Variants in PGCKA1 observed in about 807,000 individuals in gnomAD.
The protein encoded by PGCKA1 is PDCD10 and GCKIII kinases associated 1, also known as PDCD10 and GCKIII kinases-associated protein 1.
the PGCKA1 span, among the ~76,000 whole-genome samples, chr4:37,467,237 G>A: frequency 1.3e-5 from 2 of 152,160 alleles, no homozygotes; most frequent in East Asian, 1.9e-4. Context: ...AATGCACTTA[G>A]TGTTTCATTT....
chr4:37,472,960 A>G, the PGCKA1 span, among the ~76,000 whole-genome samples: 1 of 152,208 alleles, frequency 6.6e-6, no homozygotes, highest in South Asian at 2.1e-4. Context: ...ATTCAGGTCA[A>G]CTGGCAAGGT....
At chr4:37,586,048 G>A in the PGCKA1 span, among the ~76,000 whole-genome samples, 1 of 151,352 alleles carries the variant, frequency 6.6e-6, no homozygotes, top group South Asian at 2.1e-4. Context: ...TTTGGGGGGT[G>A]TGTTTTAATA....
the PGCKA1 span, among the ~76,000 whole-genome samples, chr4:37,529,449 A>T: frequency 6.6e-6 from 1 of 152,186 alleles, no homozygotes; most frequent in Non-Finnish European, 1.5e-5. Flanking sequence ...CAGTGGCTCT[A>T]TTATCCCACC....
At chr4:37,593,120 T>C in the PGCKA1 span, among the ~76,000 whole-genome samples, 4 of 152,266 alleles carry the variant, frequency 2.6e-5, no homozygotes, top group Admixed American at 1.3e-4. Flanking sequence ...TTAATTGCAT[T>C]AGAGGTATGT....
At chr4:37,474,918 CA>C in the PGCKA1 span, among the ~76,000 whole-genome samples, 1 of 152,104 alleles carries the variant, frequency 6.6e-6, no homozygotes, top group East Asian at 1.9e-4. Flanking sequence ...TGCAAAAACT[CA>C]GAATTTAGGG....
At chr4:37,569,643 C>G in the PGCKA1 span, among the ~76,000 whole-genome samples, 3 of 152,098 alleles carry the variant, frequency 2.0e-5, no homozygotes, top group African/African-American at 7.2e-5. Context: ...CAGAAGTATT[C>G]TACAAAACAT....
chr4:37,456,677 G>C, the PGCKA1 span, among the ~76,000 whole-genome samples: 3 of 152,204 alleles, frequency 2.0e-5, no homozygotes, highest in Non-Finnish European at 2.9e-5. Context: ...AGAGACACCA[G>C]AGAGTCGATG....
the PGCKA1 span, among the ~76,000 whole-genome samples, chr4:37,542,068 TC>T: frequency 6.6e-6 from 1 of 152,154 alleles, no homozygotes; most frequent in African/African-American, 2.4e-5. Flanking sequence ...CAGCGCATCT[TC>T]CATTGGACAG....
At chr4:37,473,560 C>G in the PGCKA1 span, among the ~76,000 whole-genome samples, 1 of 152,154 alleles carries the variant, frequency 6.6e-6, no homozygotes, top group African/African-American at 2.4e-5. Flanking sequence ...TAGTTGATCT[C>G]AATTCAAGGA....
the PGCKA1 span, among the ~76,000 whole-genome samples, chr4:37,573,805 A>T: frequency 6.6e-6 from 1 of 152,224 alleles, no homozygotes; most frequent in Non-Finnish European, 1.5e-5. Context: ...GTTAATACAG[A>T]TTCTCAAATT....
At chr4:37,486,671 T>A in the PGCKA1 span, among the ~76,000 whole-genome samples, 1 of 152,194 alleles carries the variant, frequency 6.6e-6, no homozygotes, top group East Asian at 1.9e-4. Flanking sequence ...TAAGCTTTCT[T>A]TCCATATATA....
chr4:37,453,643 T>C, the PGCKA1 span, among the ~76,000 whole-genome samples: 7 of 152,248 alleles, frequency 4.6e-5, no homozygotes, highest in African/African-American at 1.2e-4. Flanking sequence ...CAGCGCAACA[T>C]TGGAGTAAGC....
chr4:37,593,110 T>C, the PGCKA1 span, among the ~76,000 whole-genome samples: 1 of 152,240 alleles, frequency 6.6e-6, no homozygotes. Context: ...CTTGGCATTG[T>C]TAATTGCATT....
chr4:37,569,246 G>A, the PGCKA1 span, among the ~76,000 whole-genome samples: 7 of 151,874 alleles, frequency 4.6e-5, no homozygotes, highest in African/African-American at 1.7e-4. Flanking sequence ...TGCCCAGGCT[G>A]GAGTGCAATG....
chr4:37,470,480 C>T, the PGCKA1 span, among the ~76,000 whole-genome samples: 2 of 152,178 alleles, frequency 1.3e-5, no homozygotes, highest in Admixed American at 1.3e-4. Flanking sequence ...AATCTTCATG[C>T]ATGTGTTTGC....
At chr4:37,573,847 A>G in the PGCKA1 span, among the ~76,000 whole-genome samples, 6 of 152,314 alleles carry the variant, frequency 3.9e-5, no homozygotes, top group East Asian at 1.2e-3. Flanking sequence ...GTAGTAAATG[A>G]CTAGCAGATT....
the PGCKA1 span, among the ~76,000 whole-genome samples, chr4:37,515,989 T>A: frequency 3.3e-5 from 5 of 152,136 alleles, no homozygotes; most frequent in Non-Finnish European, 5.9e-5. Flanking sequence ...TACTTTTTTT[T>A]ATATATAAAA....
the PGCKA1 span, among the ~76,000 whole-genome samples, chr4:37,569,979 C>CT: frequency 0.52 from 61,563 of 118,088 alleles, 17,594 homozygotes; most frequent in African/African-American, 0.62. Flanking sequence ...GCATATAATC[C>CT]TTTTTTTTTT....
chr4:37,509,666 G>A, the PGCKA1 span, among the ~76,000 whole-genome samples: 81 of 151,196 alleles, frequency 5.4e-4, 1 homozygote, highest in African/African-American at 1.9e-3. Flanking sequence ...ACTCCAGCCT[G>A]GGCAACATTG....
Sources: allele counts gnomAD v4.1 joint callset (sites outside exome capture counted in the v4.1 genomes callset), GRCh38; gene constraint gnomAD v4.1.1; transcripts MANE v1.5; gene names NCBI Gene and HGNC (gene_info 2026-07-23, HGNC 2026-07-21).